ATG10: variants seen among roughly 807,000 people sequenced by gnomAD.
ATG10 encodes autophagy related 10, also known as ubiquitin-like-conjugating enzyme ATG10.
Under a neutral mutation model 32.1 loss-of-function variants are expected in ATG10, and 30 were observed. That is an observed-to-expected ratio of 0.94 (90% CI 0.70 to 1.27). The LOEUF is 1.27. Among genes scored for constraint, ATG10 ranks in the 50% most tolerant of loss-of-function variants. The pLI, the probability that ATG10 is intolerant of heterozygous loss-of-function variation, is 0.00. For synonymous variants in ATG10, 87 were observed against 91.5 expected, an observed-to-expected ratio of 0.95 and a Z score of 0.28; for missense variants, 233 against 262.3, an observed-to-expected ratio of 0.89 and a Z score of 0.77.
intron 2 of ATG10, among the ~76,000 whole-genome samples, chr5:82,010,639 A>G (rs1762103913): frequency 6.6e-6 from 1 of 152,158 alleles, no homozygotes; most frequent in South Asian, 2.1e-4. Flanking sequence ...TGCAGGTAAG[A>G]TATTGATTTT....
At chr5:82,166,262 A>G (rs1470443196) in intron 4 of ATG10, among the ~76,000 whole-genome samples, 1 of 152,252 alleles carries the variant, frequency 6.6e-6, no homozygotes, top group African/African-American at 2.4e-5. Flanking sequence ...TACTTTTACA[A>G]TGCCCTCCAT....
At chr5:82,032,478 CT>C (rs1762770479) in intron 2 of ATG10, among the ~76,000 whole-genome samples, 1 of 152,014 alleles carries the variant, frequency 6.6e-6, no homozygotes, top group East Asian at 1.9e-4. Flanking sequence ...AATCCATAAA[CT>C]TTTACTGTTC....
chr5:82,157,192 A>G (rs963585105), intron 3 of ATG10, among the ~76,000 whole-genome samples: 1 of 151,880 alleles, frequency 6.6e-6, no homozygotes, highest in Non-Finnish European at 1.5e-5. Flanking sequence ...TTGCTAATTC[A>G]CTTTGGTTGA....
At chr5:82,011,079 T>C (rs946661795) in intron 2 of ATG10, among the ~76,000 whole-genome samples, 6 of 152,206 alleles carry the variant, frequency 3.9e-5, no homozygotes, top group Non-Finnish European at 8.8e-5. Flanking sequence ...GTAATAAATT[T>C]TATACAAAGT....
intron 3 of ATG10, among the ~76,000 whole-genome samples, chr5:82,098,642 G>A (rs544429992): frequency 6.6e-6 from 1 of 152,214 alleles, no homozygotes; most frequent in South Asian, 2.1e-4. Flanking sequence ...CAAACAAAGG[G>A]GTTATCGTTT....
rs1377867598 is a variant in ATG10, at chr5:82,232,267, T to C, written c.454-20295T>C. ...AAGAAAAAAAGTAAAGAATTAATGC[T>C]TGGAAAGTGCAGGCTTCCAATTGTT... On this transcript the variant is annotated intron_variant, in intron 5 of 7. Coordinates refer to ENST00000282185, the MANE Select transcript of ATG10 (RefSeq NM_031482.5). Among the ~76,000 whole-genome samples, 3 of 152,194 alleles carry C rather than the reference T, an allele frequency of 2.0e-5. No homozygotes were observed. In the East Asian group the frequency reaches 5.8e-4, roughly 29 times the overall value.
chr5:82,035,626 G>A (rs1343128661), intron 2 of ATG10, among the ~76,000 whole-genome samples: 6 of 151,496 alleles, frequency 4.0e-5, no homozygotes, highest in African/African-American at 1.5e-4. Context: ...CTAATGTTGA[G>A]CATATTTTTA....
At chr5:82,117,683 A>G (rs1280014775) in intron 3 of ATG10, among the ~76,000 whole-genome samples, 1 of 152,192 alleles carries the variant, frequency 6.6e-6, no homozygotes, top group Non-Finnish European at 1.5e-5. Context: ...TATTTCAATC[A>G]GGATTCCAGT....
At chr5:82,077,599 T>A (rs1764321238) in intron 3 of ATG10, among the ~76,000 whole-genome samples, 5 of 152,096 alleles carry the variant, frequency 3.3e-5, no homozygotes, top group Admixed American at 3.3e-4. Flanking sequence ...CTCAACTGCT[T>A]CTATTAAGAT....
chr5:82,146,690 C>T (rs1373353602), intron 3 of ATG10, among the ~76,000 whole-genome samples: 7 of 151,144 alleles, frequency 4.6e-5, no homozygotes, highest in African/African-American at 1.5e-4. Context: ...TCAGTCATCT[C>T]CAGTTTGTTA....
At chr5:82,142,156 T>TA (rs1182160103) in intron 3 of ATG10, among the ~76,000 whole-genome samples, 1 of 152,210 alleles carries the variant, frequency 6.6e-6, no homozygotes, top group Non-Finnish European at 1.5e-5. Context: ...TGAGCATCTA[T>TA]ATGCCAGGTG....
chr5:81,985,143 AC>A lies in ATG10; in HGVS notation c.-12-2415del. ...TCAATAGTTAAGTAAATCTCAAGTA[AC>A]TGGAGGGCTTAGGCTACTTTGTTCA... On this transcript the variant is annotated intron_variant, in intron 1 of 7. Coordinates refer to ENST00000282185, the MANE Select transcript of ATG10 (RefSeq NM_031482.5). Among the ~76,000 whole-genome samples the A allele has an allele frequency of 1.3e-5, 2 of 152,372 alleles. 1 individual carries two copies. The highest frequency in any genetic ancestry group is 4.1e-4 in the South Asian group (2 of 4,834).
At chr5:82,251,204 A>G (rs1747241581) in intron 5 of ATG10, among the ~76,000 whole-genome samples, 2 of 152,144 alleles carry the variant, frequency 1.3e-5, no homozygotes, top group South Asian at 4.1e-4. Flanking sequence ...AGTTCTTGTG[A>G]GTGGATATGT....
At chr5:82,123,279 C>T (rs113756474) in intron 3 of ATG10, among the ~76,000 whole-genome samples, 20 of 152,234 alleles carry the variant, frequency 1.3e-4, no homozygotes, top group Non-Finnish European at 1.6e-4. Flanking sequence ...AACCAAATAC[C>T]GTTATGTTCT....
At chr5:81,981,089 C>G (rs898428085) in intron 1 of ATG10, among the ~76,000 whole-genome samples, 1 of 152,152 alleles carries the variant, frequency 6.6e-6, no homozygotes, top group Non-Finnish European at 1.5e-5. Flanking sequence ...AGGACTGATA[C>G]GACTTCTCTT....
At chr5:82,239,567 A>G (rs556979934) in intron 5 of ATG10, among the ~76,000 whole-genome samples, 1 of 152,216 alleles carries the variant, frequency 6.6e-6, no homozygotes, top group Admixed American at 6.5e-5. Context: ...TGAAGGAGGG[A>G]GAGAGGATGT....
At chr5:82,050,770 G>A (rs1032051387) in intron 2 of ATG10, among the ~76,000 whole-genome samples, 1 of 145,792 alleles carries the variant, frequency 6.9e-6, no homozygotes, top group Non-Finnish European at 1.5e-5. Flanking sequence ...GGGAAGTTGA[G>A]GCAGGAGGAT....
At chr5:82,068,166 T>C (rs993268002) in intron 3 of ATG10, among the ~76,000 whole-genome samples, 2 of 152,100 alleles carry the variant, frequency 1.3e-5, no homozygotes, top group South Asian at 4.1e-4. Context: ...CCATCAACGA[T>C]AGACTGGATA....
intron 3 of ATG10, among the ~76,000 whole-genome samples, chr5:82,086,749 G>C (rs1394338477): frequency 6.6e-6 from 1 of 152,176 alleles, no homozygotes; most frequent in African/African-American, 2.4e-5. Flanking sequence ...TATCTGGTTT[G>C]TTGGTAGAAG....
Sources: gnomAD v4.1 joint callset for allele counts (sites outside exome capture counted in the v4.1 genomes callset) on GRCh38, gnomAD v4.1.1 for gene constraint, MANE v1.5 for transcripts, NCBI Gene and HGNC (gene_info 2026-07-23, HGNC 2026-07-21) for gene names.